The following RAD23A variants were observed in gnomAD, a reference collection of about 807,000 sequenced individuals.
RAD23A encodes RAD23 nucleotide excision repair protein A, also known as lysine-specific demethylase RAD23A.
Under a neutral mutation model 44.8 loss-of-function variants are expected in RAD23A, and 16 were observed. The ratio of observed to expected loss-of-function variants is 0.36; its 90% confidence interval spans 0.24 to 0.54. The LOEUF is 0.54. Ranked by LOEUF, RAD23A falls within the 20% of genes least tolerant of loss-of-function variation. The pLI, the probability that RAD23A is intolerant of heterozygous loss-of-function variation, is 0.89. For missense variants in RAD23A, 380 were observed against 483.3 expected (o/e 0.79, Z 2.00); for synonymous variants, 217 against 202.9 (o/e 1.07, Z -0.59).
intron 1 of RAD23A, 44 bp downstream of exon 1, chr19:12,946,064 G>T: frequency 7.2e-7 from 1 of 1,394,706 alleles, no homozygotes; most frequent in East Asian, 2.6e-5. Flanking sequence ...GACGGGTTTC[G>T]GGGGTGGGGT....
intron 1 of RAD23A, 36 bp downstream of exon 1, chr19:12,946,056 C>T: frequency 2.7e-5 from 3 of 110,930 alleles, no homozygotes; most frequent in Admixed American, 1.7e-4. Flanking sequence ...GCGGGAGCGA[C>T]GGGTTTCGGG....
intron 1 of RAD23A, among the ~76,000 whole-genome samples, 172 bp downstream of exon 1, chr19:12,946,192 C>T (rs2146028669): frequency 6.6e-6 from 1 of 152,312 alleles, no homozygotes; most frequent in East Asian, 1.9e-4. Context: ...TTGGCCCAGC[C>T]CCCAGCCGAT....
intron 7 of RAD23A, 42 bp from the exon 8 acceptor site, chr19:12,952,647 C>G: frequency 6.4e-7 from 1 of 1,562,388 alleles, no homozygotes; most frequent in South Asian, 1.1e-5. Flanking sequence ...AGGAGGGGAC[C>G]AGGGCTGTGA....
chr19:12,948,652 C>T lies in RAD23A; in HGVS notation c.473-34C>T, dbSNP rs763015538. 1.3e-6 allele frequency: 2 copies of T among 1,598,986 alleles called. No individual in the cohort carries two copies. Among genetic ancestry groups the T allele is most frequent in the Admixed American group, 3.5e-5 (2 of 57,336 alleles). ...GGCCTGGGAGCTGCCCTTTCCTCTT[C>T]CTGGTGACCTAGGCTTTGCTGCTTC... On this transcript the variant is annotated intron_variant, in intron 4 of 8. Transcript: ENST00000586534. The surrounding 1 kb of genome is among the most constrained non-coding windows in gnomAD (Gnocchi z 5.5).
intron 7 of RAD23A, among the ~76,000 whole-genome samples, chr19:12,950,545 G>A (rs1305380451): frequency 3.9e-5 from 6 of 152,006 alleles, no homozygotes; most frequent in African/African-American, 1.4e-4. Context: ...GGGACTACAG[G>A]CGCCCGCCAC....
intron 1 of RAD23A, 64 bp downstream of exon 1, chr19:12,946,084 G>GGGGGGGGGGGGGGGGGGGC: frequency 3.9e-6 from 2 of 512,142 alleles, no homozygotes; most frequent in Non-Finnish European, 7.3e-6. Flanking sequence ...TGGGGGCGGG[G>GGGGGGGGGGGGGGGGGGGC]AGGCTAGAAT....
intron 7 of RAD23A, among the ~76,000 whole-genome samples, chr19:12,950,507 C>T (rs1599669552): frequency 6.6e-6 from 1 of 152,136 alleles, no homozygotes; most frequent in Non-Finnish European, 1.5e-5. Context: ...CGGGTTCAAG[C>T]GATTCTTTTG....
chr19:12,949,202 C>A lies in RAD23A; in HGVS notation c.679+43C>A, dbSNP rs769494260. On this transcript the variant is annotated intron_variant, in intron 6 of 8. Transcript: ENST00000586534. ...GCATCTGCCCTCCAGGTACCTGACT[C>A]ACATTACACTCCACCCCGCAGTGCT... 4 of 1,613,956 alleles carry A rather than the reference C, an allele frequency of 2.5e-6. No homozygotes were observed. The South Asian group carries it at 3.3e-5, about 13-fold the overall frequency.
At position 12,948,859 on chromosome 19, in the gene RAD23A, C is replaced by T. The variant is rs748520337; in HGVS notation, c.600+46C>T. On this transcript the variant is annotated intron_variant, in intron 5 of 8. Coordinates refer to ENST00000586534, the MANE Select transcript of RAD23A (RefSeq NM_005053.4). The surrounding 1 kb of genome is among the most constrained non-coding windows in gnomAD (Gnocchi z 5.5). ...CCCGGGGAGGCCTTGAGGGAGTACC[C>T]GGGCGTCACTGCCCTGATGGGCGGT... is the stretch of plus-strand genomic sequence containing the variant. The T allele has an allele frequency of 3.4e-5, 53 of 1,568,122 alleles. No individual in the cohort carries two copies. Among genetic ancestry groups the T allele is most frequent in the East Asian group, 9.0e-5 (4 of 44,584 alleles).
chr19:12,945,901 G>T lies in RAD23A; in HGVS notation c.-48G>T, dbSNP rs781147967. On this transcript the variant is annotated 5_prime_UTR_variant, in exon 1 of 9. Transcript: ENST00000586534. ...CGCTAAGATGGCGGCGGCGTGAGTT[G>T]CATGTTGTGTGAGGATCCCGGGGCC... is the stretch of plus-strand genomic sequence containing the variant. The T allele has an allele frequency of 3.1e-6, 5 of 1,588,008 alleles. No individual in the cohort carries two copies. In the African/African-American group the frequency reaches 5.5e-5, roughly 17 times the overall value.
At chr19:12,947,072 A>G (rs1971691173) in intron 1 of RAD23A, among the ~76,000 whole-genome samples, 1 of 152,198 alleles carries the variant, frequency 6.6e-6, no homozygotes, top group African/African-American at 2.4e-5. Flanking sequence ...AAATAAAATG[A>G]GACCAATTAA....
chr19:12,948,931 G>C lies in RAD23A; in HGVS notation c.600+118G>C. 1 of 1,532,750 alleles carries C rather than the reference G, an allele frequency of 6.5e-7. No homozygotes were observed. 94.9% of individuals were successfully genotyped at this position (1,532,750 alleles called of 1,614,324 possible). A position where few individuals can be genotyped will look rare whatever the true frequency, so the allele number is the denominator to read the frequency against. ...GAAAAGCCTTTGGGTAGTGATTCTA[G>C]CCACTAAAGGCTTCCCACAGGAGGC... On this transcript the variant is annotated intron_variant, in intron 5 of 8. Transcript: ENST00000586534. This position sits in a 1 kb window ranked among gnomAD's most constrained non-coding sequence, Gnocchi z 5.5.
At position 12,945,878 on chromosome 19, in the gene RAD23A, C is replaced by A; in HGVS notation, c.-71C>A. The A allele has an allele frequency of 6.5e-7, 1 of 1,539,116 alleles. No individual in the cohort carries two copies. Among genetic ancestry groups the A allele is most frequent in the Non-Finnish European group, 8.9e-7 (1 of 1,126,604 alleles). ...GCGCGCGGCGCGGCGCGCCTGGGCG[C>A]TAAGATGGCGGCGGCGTGAGTTGCA... is the stretch of plus-strand genomic sequence containing the variant. On this transcript the variant is annotated 5_prime_UTR_variant, in exon 1 of 9. Coordinates refer to ENST00000586534, the MANE Select transcript of RAD23A (RefSeq NM_005053.4).
chr19:12,947,580 T>A (rs965437156), intron 1 of RAD23A, among the ~76,000 whole-genome samples: 3 of 152,210 alleles, frequency 2.0e-5, no homozygotes, highest in African/African-American at 7.2e-5. Flanking sequence ...GAGCAGGGAC[T>A]TACTTGTGTT....
chr19:12,953,016 CT>C lies in RAD23A; in HGVS notation c.1061del (p.Phe354SerfsTer3). ...CEKNENLAANFLLSQNFDDE is the reference protein window; with the variant it reads ...CEKNENLAANXLLSQNFDDE Reference sequence around the variant, plus strand: ...AAAAAAATGAGAACTTGGCTGCCAACTTCCTCCTGAGTCAGAACTTTGATGA... The same window carrying C: ...AAAAAAATGAGAACTTGGCTGCCAACTCCTCCTGAGTCAGAACTTTGATGA... On this transcript the variant is annotated frameshift_variant, in exon 9 of 9. Transcript: ENST00000586534. LOFTEE classifies it high-confidence loss of function. 6.2e-7 allele frequency: 1 copy of C among 1,614,060 alleles called. No homozygotes were observed. Among genetic ancestry groups the C allele is most frequent in the Non-Finnish European group, 8.5e-7 (1 of 1,180,010 alleles).
At chr19:12,950,977 T>C (rs1019809418) in intron 7 of RAD23A, among the ~76,000 whole-genome samples, 4 of 152,102 alleles carry the variant, frequency 2.6e-5, no homozygotes, top group African/African-American at 4.8e-5. Flanking sequence ...GGCAGGAGAA[T>C]CGCTTGAACC....
At chr19:12,949,759 G>A (rs974550384) in intron 7 of RAD23A, among the ~76,000 whole-genome samples, 1 of 152,158 alleles carries the variant, frequency 6.6e-6, no homozygotes, top group Non-Finnish European at 1.5e-5. Context: ...AGATGGTGCT[G>A]CGTAAATGTC....
At position 12,947,989 on chromosome 19, in the gene RAD23A, G is replaced by C; in HGVS notation, c.214G>C (p.Val72Leu). The change falls in exon 2 of 9, where the codon GTG (valine) becomes CTG (leucine). Residue 72 changes from valine to leucine, a missense_variant. By Grantham distance (32) the Val-to-Leu change is conservative. This residue lies in a region of RAD23A where 70 missense variants were observed against 106.0 expected (regional missense o/e 0.66). Coordinates refer to ENST00000586534, the MANE Select transcript of RAD23A (RefSeq NM_005053.4). The stretch of plus-strand genomic sequence containing the variant: ...CTATCGCATCGATGAGAAGAACTTT[G>C]TGGTCGTCATGGTGACCAAGGTGGG... ...RDYRIDEKNFVVVMVTKTKAG... is the reference protein window; with the variant it reads ...RDYRIDEKNFLVVMVTKTKAG... 6.2e-7 allele frequency: 1 copy of C among 1,613,772 alleles called. No homozygotes were observed. The highest frequency in any genetic ancestry group is 8.5e-7 in the Non-Finnish European group (1 of 1,180,020).
At position 12,949,302 on chromosome 19, in the gene RAD23A, G is replaced by A. The variant is rs754956151; in HGVS notation, c.707G>A (p.Arg236Gln). ...AAGENPLEFL[R>Q]DQPQFQNMRQ... Reference sequence around the variant, plus strand: ...GGAGAGAACCCCCTGGAGTTCCTGCGGGACCAGCCCCAGTTCCAGAACATG... The same window carrying A: ...GGAGAGAACCCCCTGGAGTTCCTGCAGGACCAGCCCCAGTTCCAGAACATG... Residue 236 changes from arginine (R) to glutamine (Q), a missense_variant, in exon 7 of 9, where the codon CGG becomes CAG. By Grantham distance (43) the Arg-to-Gln change is conservative. Transcript: ENST00000586534. The A allele has an allele frequency of 9.3e-6, 15 of 1,614,000 alleles. No individual in the cohort carries two copies. The African/African-American group carries it at 1.1e-4, about 11-fold the overall frequency.
Sources: gnomAD v4.1 joint callset for allele counts (sites outside exome capture counted in the v4.1 genomes callset) on GRCh38, gnomAD v4.1.1 for gene constraint, gnomAD v4.1.1 regional missense constraint, Gnocchi (gnomAD v3.1) non-coding constraint, MANE v1.5 for transcripts, NCBI Gene and HGNC (gene_info 2026-07-23, HGNC 2026-07-21) for gene names.